ARL15: variants seen among roughly 807,000 people sequenced by gnomAD.
ARL15 encodes ARF like GTPase 15, also known as ADP-ribosylation factor-like protein 15.
Under a neutral mutation model 25.2 loss-of-function variants are expected in ARL15, and 19 were observed. The ratio of observed to expected loss-of-function variants is 0.75; its 90% CI spans 0.53 to 1.10. The LOEUF is 1.10. Among genes scored for constraint, ARL15 ranks in the 50% least tolerant of loss-of-function variants. The pLI is 0.00. For missense variants in ARL15, 220 were observed against 246.0 expected (o/e 0.89, Z 0.71); for synonymous variants, 94 against 86.8 (o/e 1.08, Z -0.46).
chr5:54,160,187 T>G (rs183704325), intron 2 of ARL15, among the ~76,000 whole-genome samples: 1 of 152,344 alleles, frequency 6.6e-6, no homozygotes, highest in Admixed American at 6.5e-5. Flanking sequence ...AACTATGATT[T>G]CAACATCATA....
At chr5:54,187,346 C>A (rs1755270067) in intron 1 of ARL15, among the ~76,000 whole-genome samples, 2 of 152,112 alleles carry the variant, frequency 1.3e-5, no homozygotes, top group African/African-American at 4.8e-5. Flanking sequence ...AGGAGGGAAC[C>A]CTGTCTCCAA....
chr5:54,210,510 G>A (rs962109919), intron 1 of ARL15, among the ~76,000 whole-genome samples: 3 of 152,134 alleles, frequency 2.0e-5, no homozygotes, highest in African/African-American at 7.2e-5. Context: ...CTAAAGCATT[G>A]CAAATGGCCA....
At chr5:54,271,748 C>A (rs983237637) in intron 1 of ARL15, among the ~76,000 whole-genome samples, 1 of 152,076 alleles carries the variant, frequency 6.6e-6, no homozygotes, top group South Asian at 2.1e-4. Flanking sequence ...CCACAGTATA[C>A]AATAAGCATA....
chr5:54,245,257 G>A (rs912068433), intron 1 of ARL15, among the ~76,000 whole-genome samples: 11 of 152,108 alleles, frequency 7.2e-5, no homozygotes, highest in Admixed American at 3.3e-4. Flanking sequence ...CAGGAATTAC[G>A]AAAAAGAAAA....
At chr5:54,105,247 A>C (rs1487028334) in intron 4 of ARL15, among the ~76,000 whole-genome samples, 2 of 152,022 alleles carry the variant, frequency 1.3e-5, no homozygotes, top group Non-Finnish European at 2.9e-5. Flanking sequence ...ACTAAGGGAC[A>C]AGGAAAGGGT....
At chr5:53,949,945 G>A (rs1746888971) in intron 4 of ARL15, among the ~76,000 whole-genome samples, 1 of 152,126 alleles carries the variant, frequency 6.6e-6, no homozygotes, top group South Asian at 2.1e-4. Flanking sequence ...CTTTGCTCAA[G>A]GTCATTGTGC....
intron 4 of ARL15, among the ~76,000 whole-genome samples, chr5:53,978,403 A>G (rs1451444753): frequency 6.6e-6 from 1 of 152,122 alleles, no homozygotes; most frequent in Non-Finnish European, 1.5e-5. Flanking sequence ...AATGTTCTAA[A>G]GACTGAATGT....
intron 1 of ARL15, among the ~76,000 whole-genome samples, chr5:54,214,452 A>G (rs767779925): frequency 2.6e-5 from 4 of 152,116 alleles, no homozygotes; most frequent in Non-Finnish European, 5.9e-5. Flanking sequence ...TTTTTTCCCT[A>G]CATATTGTCC....
chr5:53,894,872 T>C (rs1195938440), intron 4 of ARL15, among the ~76,000 whole-genome samples: 6 of 152,144 alleles, frequency 3.9e-5, no homozygotes, highest in African/African-American at 1.4e-4. Flanking sequence ...AACTTTTGAA[T>C]TATATAGAAG....
In ARL15 at chr5:54,163,688, C is replaced by T. The variant is rs575999471; in HGVS notation, c.193+8096G>A. Among the ~76,000 whole-genome samples the T allele has an allele frequency of 7.2e-5, 11 of 152,042 alleles. No individual in the cohort carries two copies. The East Asian group carries it at 1.9e-3, about 27-fold the overall frequency. On this transcript the variant is annotated intron_variant, in intron 2 of 4. Coordinates refer to ENST00000504924, the MANE Select transcript of ARL15 (RefSeq NM_019087.3). The stretch of plus-strand genomic sequence containing the variant: ...TTCTCTAAGTTGTCAGATTTACTGG[C>T]ATAAGGTTGTTCATGATATTCCCTT...
chr5:54,217,014 CTAAT>C (rs2112521425), intron 1 of ARL15, among the ~76,000 whole-genome samples: 1 of 152,114 alleles, frequency 6.6e-6, no homozygotes, highest in Admixed American at 6.5e-5. Context: ...GATTAAGTCT[CTAAT>C]CAATCATTTT....
intron 1 of ARL15, among the ~76,000 whole-genome samples, chr5:54,294,005 T>C (rs1331113411): frequency 6.6e-6 from 1 of 152,116 alleles, no homozygotes; most frequent in African/African-American, 2.4e-5. Flanking sequence ...TTTTGTATTT[T>C]AGTTTCACCA....
intron 4 of ARL15, among the ~76,000 whole-genome samples, chr5:53,965,373 A>G (rs1191455619): frequency 6.6e-6 from 1 of 152,230 alleles, no homozygotes; most frequent in African/African-American, 2.4e-5. Context: ...CTATTTTAGT[A>G]AAAGATTAAA....
Position 54,134,349 on chromosome 5 carries a change from G to A in ARL15, c.253+20231C>T, listed in dbSNP as rs917392157. Among the ~76,000 whole-genome samples, 6 of 152,140 alleles carry A rather than the reference G, an allele frequency of 3.9e-5. No homozygotes were observed. In the East Asian group the frequency reaches 7.7e-4, roughly 20 times the overall value. ...GAAAGAAAGAAATCAGACGGCAGTA[G>A]TTCGGTAGCTTTGTAGCTGATTTAA... On this transcript the variant is annotated intron_variant, in intron 3 of 4. Transcript: ENST00000504924.
chr5:53,977,314 C>T (rs1195619175), intron 4 of ARL15, among the ~76,000 whole-genome samples: 2 of 144,204 alleles, frequency 1.4e-5, no homozygotes, highest in South Asian at 2.2e-4. Flanking sequence ...GAGATCGCGC[C>T]ACTGCACTCC....
intron 4 of ARL15, among the ~76,000 whole-genome samples, chr5:54,009,897 G>A (rs567695164): frequency 6.6e-6 from 1 of 152,262 alleles, no homozygotes; most frequent in African/African-American, 2.4e-5. Flanking sequence ...AGAATTTAAG[G>A]TTCTTCCTCA....
intron 4 of ARL15, among the ~76,000 whole-genome samples, chr5:53,935,969 G>A (rs999041965): frequency 8.6e-5 from 13 of 151,976 alleles, no homozygotes; most frequent in African/African-American, 1.5e-4. Context: ...CACTGGTCTC[G>A]AACTCCCAAC....
At chr5:54,290,552 C>T (rs188969984) in intron 1 of ARL15, among the ~76,000 whole-genome samples, 26 of 152,204 alleles carry the variant, frequency 1.7e-4, no homozygotes, top group African/African-American at 6.3e-4. Context: ...ATGATCCGCC[C>T]TCCTTGGCCT....
intron 3 of ARL15, among the ~76,000 whole-genome samples, chr5:54,117,745 A>G (rs1244041577): frequency 1.3e-5 from 2 of 152,212 alleles, no homozygotes; most frequent in East Asian, 3.8e-4. Context: ...CTGACAAACT[A>G]TGATTATTCA....
Sources: gnomAD v4.1 joint callset for allele counts (sites outside exome capture counted in the v4.1 genomes callset) on GRCh38, gnomAD v4.1.1 for gene constraint, MANE v1.5 for transcripts, NCBI Gene and HGNC (gene_info 2026-07-23, HGNC 2026-07-21) for gene names.